Variants in ADAMTSL1 observed in about 807,000 individuals in gnomAD.
ADAMTSL1 encodes ADAMTS-like protein 1.
Under a neutral mutation model 201.8 loss-of-function variants are expected in ADAMTSL1, and 126 were observed. The ratio of observed to expected loss-of-function variants is 0.62; its 90% CI spans 0.54 to 0.72. The LOEUF (loss-of-function observed/expected upper bound fraction) is 0.72. Ranked by LOEUF, ADAMTSL1 falls within the 30% of genes least tolerant of loss-of-function variation. ADAMTSL1 has a pLI of 0.00. For missense variants in ADAMTSL1, 2,679 were observed against 2,277.8 expected, an observed-to-expected ratio of 1.18 and a Z score of -3.59; for synonymous variants, 1,121 against 903.4, an observed-to-expected ratio of 1.24 and a Z score of -4.32.
intron 4 of ADAMTSL1, among the ~76,000 whole-genome samples, chr9:18,588,349 A>G (rs1025416790): frequency 6.6e-6 from 1 of 151,976 alleles, no homozygotes; most frequent in Non-Finnish European, 1.5e-5. Context: ...AGCTCCTTAT[A>G]TACTCTGGTT....
intron 25 of ADAMTSL1, chr9:18,890,761 T>TATTTGG (rs1829205033): frequency 5.8e-6 from 2 of 347,648 alleles, no homozygotes; most frequent in Non-Finnish European, 1.1e-5. Context: ...CTGAAACGTA[T>TATTTGG]ATTTGGAAAT....
chr9:18,889,586 A>G lies in ADAMTSL1; in HGVS notation c.4481A>G (p.Asp1494Gly), dbSNP rs576184987. The G allele has an allele frequency of 6.2e-7, 1 of 1,613,824 alleles. No homozygotes were observed. The highest frequency in any genetic ancestry group is 2.2e-5 in the East Asian group (1 of 44,848). Residue 1494 changes from aspartate (D) to glycine (G), a missense_variant, in exon 25 of 29, where the codon GAC becomes GGC. Physicochemically the swap from Asp to Gly is moderately conservative, Grantham distance 94. Coordinates refer to ENST00000380548, the MANE Select transcript of ADAMTSL1 (RefSeq NM_001040272.6). ...LVIQDYWWSV[D>G]RLATCSASCG... is the part of the protein sequence containing the mutation. ...ATGACAGATTACTGGTGGTCTGTGG[A>G]CAGACTGGCAACCTGCTCAGCCTCC...
Position 18,337,701 on chromosome 9 carries a change from G to C in ADAMTSL1, c.208-167128G>C, listed in dbSNP as rs372000585. ...AAGGTTTAAACTCTTCACCTCATAGGCTAAATGTAATTAATGAACAAGTTT... is the reference window on the plus strand; with the variant it reads ...AAGGTTTAAACTCTTCACCTCATAGCCTAAATGTAATTAATGAACAAGTTT... On this transcript the variant is annotated intron_variant, in intron 2 of 29. Transcript: ENST00000680146. Among the ~76,000 whole-genome samples, 22 of 152,214 alleles carry C rather than the reference G, an allele frequency of 1.4e-4. No homozygotes were observed. The East Asian group carries it at 4.3e-3, about 29-fold the overall frequency.
intron 26 of ADAMTSL1, among the ~76,000 whole-genome samples, chr9:18,895,763 C>CAGTCT (rs1829593890): frequency 6.6e-6 from 1 of 152,188 alleles, no homozygotes; most frequent in African/African-American, 2.4e-5. Flanking sequence ...ATCACAGAGC[C>CAGTCT]AGTCTACAGA....
chr9:18,558,208 G>A (rs1821226343), intron 3 of ADAMTSL1, among the ~76,000 whole-genome samples: 1 of 152,024 alleles, frequency 6.6e-6, no homozygotes, highest in South Asian at 2.1e-4. Flanking sequence ...CTTTCCCTGT[G>A]TCCATGTGTT....
At chr9:18,288,233 GAC>G (rs1291537899) in intron 2 of ADAMTSL1, among the ~76,000 whole-genome samples, 1 of 152,122 alleles carries the variant, frequency 6.6e-6, no homozygotes, top group Non-Finnish European at 1.5e-5. Flanking sequence ...TGGAAATTAA[GAC>G]AGTTATCCAA....
At chr9:18,266,294 A>C (rs912779008) in intron 2 of ADAMTSL1, among the ~76,000 whole-genome samples, 1 of 152,198 alleles carries the variant, frequency 6.6e-6, no homozygotes, top group African/African-American at 2.4e-5. Flanking sequence ...GGCATGGGTC[A>C]CATCTAGGAG....
intron 1 of ADAMTSL1, among the ~76,000 whole-genome samples, chr9:18,076,086 C>G (rs1309121330): frequency 6.6e-6 from 1 of 152,184 alleles, no homozygotes. Flanking sequence ...TGTTTGGTTT[C>G]TCTAAACAAT....
chr9:18,696,179 A>G (rs779384548), intron 13 of ADAMTSL1, among the ~76,000 whole-genome samples: 15 of 152,232 alleles, frequency 9.9e-5, no homozygotes, highest in Non-Finnish European at 2.1e-4. Context: ...GGACAGGGAC[A>G]CAAATCCAAA....
intron 2 of ADAMTSL1, among the ~76,000 whole-genome samples, chr9:18,303,365 C>T (rs1833778422): frequency 6.6e-6 from 1 of 152,186 alleles, no homozygotes; most frequent in Non-Finnish European, 1.5e-5. Context: ...CCAGCCTCAG[C>T]CAGAGAATGA....
intron 1 of ADAMTSL1, among the ~76,000 whole-genome samples, chr9:18,504,300 G>A (rs1392340046): frequency 6.6e-6 from 1 of 152,150 alleles, no homozygotes; most frequent in Non-Finnish European, 1.5e-5. Flanking sequence ...GAGGCAATCC[G>A]TGCATTGCTA....
At chr9:18,508,239 G>T (rs936833623) in intron 2 of ADAMTSL1, among the ~76,000 whole-genome samples, 1 of 151,914 alleles carries the variant, frequency 6.6e-6, no homozygotes, top group African/African-American at 2.4e-5. Context: ...ATTATGTTTG[G>T]AATCAGAGAT....
chr9:18,539,376 A>G (rs1819990068), intron 3 of ADAMTSL1, among the ~76,000 whole-genome samples: 1 of 152,212 alleles, frequency 6.6e-6, no homozygotes, highest in Admixed American at 6.5e-5. Context: ...TGGAGGTAAG[A>G]ACAAAGTGCT....
chr9:18,168,188 T>C (rs868688946), intron 2 of ADAMTSL1, among the ~76,000 whole-genome samples: 2 of 152,150 alleles, frequency 1.3e-5, no homozygotes, highest in Middle Eastern at 3.4e-3. Flanking sequence ...TATGTATGCA[T>C]GTGCCATGTT....
Position 18,329,294 on chromosome 9 carries a change from A to T in ADAMTSL1, c.207+165313A>T, listed in dbSNP as rs1315438096. 5.3e-5 allele frequency among the ~76,000 whole-genome samples: 8 copies of T among 152,286 alleles called. No homozygotes were observed. The East Asian group carries it at 1.2e-3, about 22-fold the overall frequency. On this transcript the variant is annotated intron_variant, in intron 2 of 29. Transcript: ENST00000680146. Reference sequence around the variant, plus strand: ...TGAGAAATCAATTTCAGTTTTTTATAATACACCCTAGTTTCAGTTGTTTGT... The same window carrying T: ...TGAGAAATCAATTTCAGTTTTTTATTATACACCCTAGTTTCAGTTGTTTGT...
chr9:18,406,287 G>GTT (rs375073783), intron 2 of ADAMTSL1, among the ~76,000 whole-genome samples: 29 of 62,192 alleles, frequency 4.7e-4, no homozygotes, highest in African/African-American at 1.1e-3. Context: ...GTATAAGACA[G>GTT]TTTTTTCTTT....
At chr9:18,313,730 T>A (rs1834243858) in intron 2 of ADAMTSL1, among the ~76,000 whole-genome samples, 2 of 152,268 alleles carry the variant, frequency 1.3e-5, no homozygotes, top group South Asian at 4.2e-4. Context: ...TCTAGGAGTT[T>A]CCTAGAGGAA....
At chr9:18,256,453 G>T (rs2132514317) in intron 2 of ADAMTSL1, among the ~76,000 whole-genome samples, 1 of 152,302 alleles carries the variant, frequency 6.6e-6, no homozygotes, top group South Asian at 2.1e-4. Context: ...CCCTGAGGTT[G>T]GAGGATATAG....
At chr9:18,494,400 G>A (rs1345316439) in intron 1 of ADAMTSL1, among the ~76,000 whole-genome samples, 2 of 151,080 alleles carry the variant, frequency 1.3e-5, no homozygotes, top group Non-Finnish European at 2.9e-5. Flanking sequence ...CTAGAGATAA[G>A]AGAAAATTTT....
Sources: gnomAD v4.1 joint callset for allele counts (sites outside exome capture counted in the v4.1 genomes callset) on GRCh38, gnomAD v4.1.1 for gene constraint, MANE v1.5 for transcripts, NCBI Gene and HGNC (gene_info 2026-07-23, HGNC 2026-07-21) for gene names.